NKAIN3: variants seen among roughly 807,000 people sequenced by gnomAD.
The protein encoded by NKAIN3 is sodium/potassium transporting ATPase interacting 3.
A neutral mutation model predicts 30.2 loss-of-function variants in NKAIN3; 25 were observed. The ratio of observed to expected loss-of-function variants is 0.83; its 90% CI spans 0.60 to 1.16. The LOEUF is 1.16. NKAIN3 is among the 50% of genes most tolerant of loss of function. The pLI is 0.00. For missense variants in NKAIN3, 225 were observed against 254.1 expected, an observed-to-expected ratio of 0.89 and a Z score of 0.78; for synonymous variants, 91 against 89.6, an observed-to-expected ratio of 1.02 and a Z score of -0.09.
At chr8:62,532,349 A>G (rs1312117421) in intron 1 of NKAIN3, among the ~76,000 whole-genome samples, 2 of 152,170 alleles carry the variant, frequency 1.3e-5, no homozygotes, top group African/African-American at 4.8e-5. Flanking sequence ...TCCCCTGCCC[A>G]GTCCCCTAAA....
At chr8:62,831,354 C>T (rs532949590) in intron 4 of NKAIN3, among the ~76,000 whole-genome samples, 9 of 152,096 alleles carry the variant, frequency 5.9e-5, no homozygotes, top group Non-Finnish European at 1.0e-4. Flanking sequence ...ACCAAAGAAT[C>T]ACACTAGCTC....
chr8:62,643,551 G>C (rs2130306650), intron 3 of NKAIN3, among the ~76,000 whole-genome samples: 1 of 152,188 alleles, frequency 6.6e-6, no homozygotes, highest in Middle Eastern at 3.4e-3. Flanking sequence ...CCCTGATTGT[G>C]CAGCTTAATC....
intron 2 of NKAIN3, among the ~76,000 whole-genome samples, chr8:62,584,025 A>T (rs1401463668): frequency 6.6e-6 from 1 of 152,130 alleles, no homozygotes; most frequent in Non-Finnish European, 1.5e-5. Context: ...TAATTCTGAT[A>T]TTTAAAAAAA....
chr8:62,619,809 A>G (rs1472891057), intron 3 of NKAIN3, among the ~76,000 whole-genome samples: 3 of 152,192 alleles, frequency 2.0e-5, no homozygotes, highest in Non-Finnish European at 4.4e-5. Flanking sequence ...ACTGTTGACA[A>G]ATCATTGAAT....
chr8:62,591,580 G>A (rs1810654827), intron 3 of NKAIN3, among the ~76,000 whole-genome samples: 1 of 151,864 alleles, frequency 6.6e-6, no homozygotes, highest in Non-Finnish European at 1.5e-5. Flanking sequence ...ATATCCATGT[G>A]CATGTCTAAA....
intron 1 of NKAIN3, among the ~76,000 whole-genome samples, chr8:62,564,663 A>G (rs892812036): frequency 6.6e-6 from 1 of 152,150 alleles, no homozygotes; most frequent in African/African-American, 2.4e-5. Context: ...TTATATAATC[A>G]AATATAATAA....
chr8:62,807,080 T>C (rs891661607), intron 4 of NKAIN3, among the ~76,000 whole-genome samples: 1 of 152,224 alleles, frequency 6.6e-6, no homozygotes, highest in East Asian at 1.9e-4. Context: ...TTAAATCTTT[T>C]ACTTCAAAGG....
chr8:62,794,659 A>C (rs1478530886), intron 4 of NKAIN3, among the ~76,000 whole-genome samples: 1 of 152,116 alleles, frequency 6.6e-6, no homozygotes, highest in Non-Finnish European at 1.5e-5. Context: ...CATCTCCTAC[A>C]CTTGTTACTT....
At chr8:62,987,052 A>G (rs1824214986), downstream of NKAIN3, among the ~76,000 whole-genome samples, 1 of 152,186 alleles carries the variant, frequency 6.6e-6, no homozygotes, top group South Asian at 2.1e-4. Context: ...CACATTGTTT[A>G]AGACCTAAGT....
chr8:62,463,367 C>G (rs1806055670), intron 1 of NKAIN3, among the ~76,000 whole-genome samples: 1 of 152,172 alleles, frequency 6.6e-6, no homozygotes, highest in Non-Finnish European at 1.5e-5. Context: ...TGCACAGGTA[C>G]TTAGCAGACA....
intron 1 of NKAIN3, among the ~76,000 whole-genome samples, chr8:62,337,077 G>A (rs1815577882): frequency 6.6e-6 from 1 of 152,012 alleles, no homozygotes; most frequent in Admixed American, 6.6e-5. Flanking sequence ...TCTCTGCATG[G>A]TTTCTCCAGC....
chr8:62,797,876 C>A (rs184142082), intron 4 of NKAIN3, among the ~76,000 whole-genome samples: 1 of 152,042 alleles, frequency 6.6e-6, no homozygotes, highest in Admixed American at 6.6e-5. Context: ...ATTTGTAGAC[C>A]GACCCTCACA....
At chr8:62,376,966 A>G (rs1817103858) in intron 1 of NKAIN3, among the ~76,000 whole-genome samples, 1 of 152,156 alleles carries the variant, frequency 6.6e-6, no homozygotes, top group South Asian at 2.1e-4. Context: ...AACACAAAAT[A>G]ACCCTGTAGA....
intron 1 of NKAIN3, among the ~76,000 whole-genome samples, chr8:62,476,684 T>G (rs879554650): frequency 4.6e-5 from 7 of 152,140 alleles, no homozygotes; most frequent in Non-Finnish European, 8.8e-5. Context: ...CTCGATGTCC[T>G]GACCTCGTGA....
chr8:62,281,538 CT>C (rs1174661337), intron 1 of NKAIN3, among the ~76,000 whole-genome samples: 2 of 152,146 alleles, frequency 1.3e-5, no homozygotes, highest in East Asian at 3.8e-4. Context: ...CCTCTACACA[CT>C]GCTTTAAATG....
At chr8:62,412,909 CAAAAAAAAAAAACA>C (rs748966412) in intron 1 of NKAIN3, among the ~76,000 whole-genome samples, 29 of 97,906 alleles carry the variant, frequency 3.0e-4, no homozygotes, top group South Asian at 6.9e-4. Flanking sequence ...GAGACTCCGT[CAAAAAAAAAAAACA>C]AAAAAAAAAA....
intron 1 of NKAIN3, among the ~76,000 whole-genome samples, chr8:62,369,846 C>G (rs1816853651): frequency 6.6e-6 from 1 of 151,708 alleles, no homozygotes; most frequent in African/African-American, 2.4e-5. Context: ...TCTTTGCCTG[C>G]CTACTTTGAA....
downstream of NKAIN3, among the ~76,000 whole-genome samples, chr8:62,987,274 G>A (rs920097004): frequency 6.6e-6 from 1 of 152,066 alleles, no homozygotes; most frequent in African/African-American, 2.4e-5. Flanking sequence ...GCGTGTGCCT[G>A]TAATTCTACT....
chr8:62,817,145 A>G (rs2352717), intron 4 of NKAIN3, among the ~76,000 whole-genome samples: 29,713 of 151,956 alleles, frequency 0.2, 3,340 homozygotes, highest in African/African-American at 0.29. Context: ...CCTTAGACAT[A>G]CTATTTGATG....
Sources: gnomAD v4.1 joint callset for allele counts (sites outside exome capture counted in the v4.1 genomes callset) on GRCh38, gnomAD v4.1.1 for gene constraint, MANE v1.5 for transcripts, NCBI Gene and HGNC (gene_info 2026-07-23, HGNC 2026-07-21) for gene names.